The following MAGI1 variants were observed in gnomAD, a reference collection of about 807,000 sequenced individuals.
MAGI1 encodes membrane-associated guanylate kinase, WW and PDZ domain-containing protein 1.
In MAGI1, 58 loss-of-function variants were observed where a neutral mutation model predicts 139.9. The observed-to-expected ratio is 0.41, with a 90% confidence interval of 0.34 to 0.52. The LOEUF (loss-of-function observed/expected upper bound fraction) is 0.52, where lower values mean the gene tolerates loss of function less well. Ranked by LOEUF, MAGI1 falls within the 20% of genes least tolerant of loss-of-function variation. The pLI is 0.12. For missense variants in MAGI1, 1,874 were observed against 1,901.6 expected, an observed-to-expected ratio of 0.99 and a Z score of 0.27; for synonymous variants, 812 against 737.9, an observed-to-expected ratio of 1.10 and a Z score of -1.63.
intron 3 of MAGI1, among the ~76,000 whole-genome samples, chr3:65,482,400 A>C (rs1369646724): frequency 6.6e-6 from 1 of 152,234 alleles, no homozygotes; most frequent in African/African-American, 2.4e-5. Flanking sequence ...TTGAGGATCA[A>C]AGAGATCATG....
chr3:65,682,734 T>C (rs1055937124), intron 1 of MAGI1, among the ~76,000 whole-genome samples: 17 of 151,924 alleles, frequency 1.1e-4, no homozygotes, highest in Admixed American at 8.5e-4. Context: ...TCAAGGAAAA[T>C]TGAATCTAAT....
chr3:65,360,882 A>G, intron 22 of MAGI1: 1 of 1,234,348 alleles, frequency 8.1e-7, no homozygotes, highest in Admixed American at 3.8e-5. Flanking sequence ...TAACAATTGG[A>G]TCTGAGGAAC....
intron 1 of MAGI1, among the ~76,000 whole-genome samples, chr3:65,956,406 A>G (rs1184042403): frequency 6.6e-6 from 1 of 152,132 alleles, no homozygotes; most frequent in Non-Finnish European, 1.5e-5. Flanking sequence ...GGTGTGTGAG[A>G]TTCTGTAGGG....
At chr3:65,800,638 T>TGATTA (rs1553709318) in intron 1 of MAGI1, among the ~76,000 whole-genome samples, 1 of 149,814 alleles carries the variant, frequency 6.7e-6, no homozygotes, top group African/African-American at 2.5e-5. Context: ...TTAATTAGAT[T>TGATTA]AAAAAAAAAA....
chr3:65,926,406 G>T (rs755266352), intron 1 of MAGI1, among the ~76,000 whole-genome samples: 13 of 143,706 alleles, frequency 9.0e-5, no homozygotes, highest in Non-Finnish European at 1.7e-4. Flanking sequence ...TGTCAGAGGG[G>T]TTGGAACAGA....
At chr3:65,508,239 T>G (rs576953988) in intron 2 of MAGI1, among the ~76,000 whole-genome samples, 1 of 151,928 alleles carries the variant, frequency 6.6e-6, no homozygotes, top group Non-Finnish European at 1.5e-5. Context: ...CCGTCTCTAC[T>G]AAAAATACGA....
chr3:65,756,137 G>A lies in MAGI1; in HGVS notation c.314-134049C>T, dbSNP rs117264234. Reference sequence around the variant, plus strand: ...ACTTCTCTCTTTTCCAACTTAGTTCGCTCTGTAATTGATCCCCTCTTACAG... The same window carrying A: ...ACTTCTCTCTTTTCCAACTTAGTTCACTCTGTAATTGATCCCCTCTTACAG... On this transcript the variant is annotated intron_variant, in intron 1 of 22. Coordinates refer to ENST00000402939, the MANE Select transcript of MAGI1 (RefSeq NM_001033057.2). Among the ~76,000 whole-genome samples, 47 of 152,198 alleles carry A rather than the reference G, an allele frequency of 3.1e-4. No homozygotes were observed. In the East Asian group the frequency reaches 7.3e-3, roughly 24 times the overall value.
intron 7 of MAGI1, among the ~76,000 whole-genome samples, chr3:65,447,419 G>A (rs998610376): frequency 6.6e-6 from 1 of 152,106 alleles, no homozygotes; most frequent in Admixed American, 6.6e-5. Context: ...ACAACTCTAA[G>A]GCAAACAGTA....
chr3:65,930,315 CAAAAAAAAAA>C lies in MAGI1; in HGVS notation c.313+107671_313+107680del, dbSNP rs58258730. ...TGGGCGAAAGAGCAAGACTCCGTCT[CAAAAAAAAAA>C]AAAAAAAAAAAAAAAATGTTATTTG... On this transcript the variant is annotated intron_variant, in intron 1 of 22. Transcript: ENST00000402939. Among the ~76,000 whole-genome samples, 8 of 87,626 alleles carry C rather than the reference CAAAAAAAAAA, an allele frequency of 9.1e-5. 1 individual carries two copies. The highest frequency in any genetic ancestry group is 8.0e-4 in the South Asian group (2 of 2,512). The allele number at this position is 87,626 out of a possible 152,430, so 57.5% of individuals were successfully genotyped here. A position where few individuals can be genotyped will look rare whatever the true frequency, so the allele number is the denominator to read the frequency against.
chr3:65,367,603 A>G (rs1031554100), intron 18 of MAGI1, among the ~76,000 whole-genome samples: 2 of 152,060 alleles, frequency 1.3e-5, no homozygotes, highest in African/African-American at 4.8e-5. Flanking sequence ...ACTTCATTTG[A>G]CTCTCACCAC....
intron 3 of MAGI1, among the ~76,000 whole-genome samples, chr3:65,484,656 TC>T (rs1343325393): frequency 2.0e-5 from 3 of 152,216 alleles, no homozygotes; most frequent in Non-Finnish European, 4.4e-5. Flanking sequence ...TTCTTTTCAC[TC>T]TGACCTCACT....
chr3:65,510,034 G>A (rs1372459887), intron 2 of MAGI1, among the ~76,000 whole-genome samples: 2 of 152,014 alleles, frequency 1.3e-5, no homozygotes, highest in Non-Finnish European at 2.9e-5. Flanking sequence ...GCAGCCCCCA[G>A]CAGGGGCACA....
chr3:65,602,821 A>G (rs1010013613), intron 2 of MAGI1, among the ~76,000 whole-genome samples: 1 of 152,134 alleles, frequency 6.6e-6, no homozygotes, highest in Non-Finnish European at 1.5e-5. Context: ...GGGAAGCACT[A>G]TTAAAATAGA....
chr3:65,512,821 T>C (rs1219985513), intron 2 of MAGI1, among the ~76,000 whole-genome samples: 3 of 151,268 alleles, frequency 2.0e-5, no homozygotes, highest in Non-Finnish European at 2.9e-5. Context: ...CCAGCATCAT[T>C]CTGATACCAA....
chr3:65,657,861 T>C (rs1169112549), intron 1 of MAGI1, among the ~76,000 whole-genome samples: 2 of 152,170 alleles, frequency 1.3e-5, no homozygotes, highest in African/African-American at 4.8e-5. Flanking sequence ...AGCCAGATGA[T>C]ACTGGGAAGG....
intron 1 of MAGI1, among the ~76,000 whole-genome samples, chr3:65,644,343 G>A (rs1412420880): frequency 6.7e-6 from 1 of 149,152 alleles, no homozygotes; most frequent in Non-Finnish European, 1.5e-5. Context: ...TTTTCAAACA[G>A]TCATCCTAAA....
At chr3:65,881,076 G>A (rs1326910046) in intron 1 of MAGI1, among the ~76,000 whole-genome samples, 1 of 152,020 alleles carries the variant, frequency 6.6e-6, no homozygotes, top group African/African-American at 2.4e-5. Flanking sequence ...TGTAGATACA[G>A]GGTTTCTCCA....
At chr3:65,765,590 G>C (rs796458036) in intron 1 of MAGI1, among the ~76,000 whole-genome samples, 34 of 152,314 alleles carry the variant, frequency 2.2e-4, no homozygotes, top group African/African-American at 7.5e-4. Flanking sequence ...AGATACATGA[G>C]GCTGTGGTGC....
intron 1 of MAGI1, among the ~76,000 whole-genome samples, chr3:66,006,473 A>G (rs975309389): frequency 3.3e-5 from 5 of 152,220 alleles, no homozygotes; most frequent in African/African-American, 9.7e-5. Context: ...GTGTAGGTAT[A>G]TATGTATATA....
Sources: allele counts gnomAD v4.1 joint callset (sites outside exome capture counted in the v4.1 genomes callset), GRCh38; gene constraint gnomAD v4.1.1; transcripts MANE v1.5; gene names NCBI Gene and HGNC (gene_info 2026-07-23, HGNC 2026-07-21).